Variants in PKP4 observed in about 807,000 individuals in gnomAD.
The protein encoded by PKP4 is plakophilin 4.
PKP4 carries 90 observed loss-of-function variants against 145.1 expected under a neutral mutation model. That is an observed-to-expected ratio of 0.62 (90% CI 0.52 to 0.74). The LOEUF is 0.74. Ranked by LOEUF, PKP4 falls within the 30% of genes least tolerant of loss-of-function variation. PKP4 has a pLI of 0.00. For missense variants in PKP4, 1,340 were observed against 1,482.7 expected (o/e 0.90, Z 1.58); for synonymous variants, 563 against 577.2 (o/e 0.98, Z 0.35).
chr2:158,579,592 C>A (rs1574593443), intron 3 of PKP4, among the ~76,000 whole-genome samples: 1 of 152,078 alleles, frequency 6.6e-6, no homozygotes, highest in Non-Finnish European at 1.5e-5. Context: ...AAAACAGATA[C>A]AAAGCATGCT....
chr2:158,484,477 A>G (rs1693879590), intron 1 of PKP4, among the ~76,000 whole-genome samples: 1 of 152,164 alleles, frequency 6.6e-6, no homozygotes, highest in Non-Finnish European at 1.5e-5. Context: ...AATGTGTTAG[A>G]GATGTTTATG....
chr2:158,606,638 C>T (rs1448471234), intron 4 of PKP4, among the ~76,000 whole-genome samples: 1 of 152,144 alleles, frequency 6.6e-6, no homozygotes, highest in African/African-American at 2.4e-5. Flanking sequence ...TTGTGTGTTA[C>T]ATACAGTTTT....
At chr2:158,565,875 G>C (rs3771611) in intron 2 of PKP4, among the ~76,000 whole-genome samples, 1 of 152,122 alleles carries the variant, frequency 6.6e-6, no homozygotes, top group African/African-American at 2.4e-5. Context: ...TTAGAAAGGA[G>C]TGATGATATT....
intron 1 of PKP4, among the ~76,000 whole-genome samples, chr2:158,459,271 G>A (rs1343769415): frequency 1.3e-5 from 2 of 152,164 alleles, no homozygotes; most frequent in African/African-American, 2.4e-5. Flanking sequence ...AGCATCATAT[G>A]TGTGTTTTTA....
Position 158,650,991 on chromosome 2 carries a change from C to T in PKP4, c.1910-7140C>T, listed in dbSNP as rs2055311172. Among the ~76,000 whole-genome samples, 2 of 152,184 alleles carry T rather than the reference C, an allele frequency of 1.3e-5. 1 individual carries two copies. The highest frequency in any genetic ancestry group is 4.1e-4 in the South Asian group (2 of 4,824). On this transcript the variant is annotated intron_variant, in intron 11 of 21. Transcript: ENST00000389759. ...CTGCACAGGTTTCAGGAACTCTGCT[C>T]AGATAGTGGCATCTTAGAAACTCTG...
At chr2:158,580,840 A>G (rs1279827258) in intron 3 of PKP4, among the ~76,000 whole-genome samples, 1 of 152,076 alleles carries the variant, frequency 6.6e-6, no homozygotes, top group African/African-American at 2.4e-5. Context: ...CTTCTTTACA[A>G]CCTTTCTCAA....
chr2:158,536,997 T>A (rs765585451), intron 2 of PKP4, among the ~76,000 whole-genome samples: 20 of 152,188 alleles, frequency 1.3e-4, no homozygotes, highest in Non-Finnish European at 2.6e-4. Context: ...AGGTTGCTCC[T>A]CTCCCAGCAC....
At chr2:158,529,513 G>A (rs1187856001) in intron 1 of PKP4, among the ~76,000 whole-genome samples, 1 of 152,166 alleles carries the variant, frequency 6.6e-6, no homozygotes, top group Non-Finnish European at 1.5e-5. Flanking sequence ...TCTCTTGAAT[G>A]GATACAGTGT....
intron 4 of PKP4, among the ~76,000 whole-genome samples, chr2:158,615,024 T>A (rs1010019979): frequency 1.3e-5 from 2 of 150,636 alleles, no homozygotes; most frequent in East Asian, 1.9e-4. Flanking sequence ...AAAAAAAAAA[T>A]AACTAGTGGA....
In PKP4 at chr2:158,640,577, A is replaced by T. The variant is rs370177702; in HGVS notation, c.1563-50A>T. 3.6e-5 allele frequency: 57 copies of T among 1,590,496 alleles called. No individual in the cohort carries two copies. The African/African-American group carries it at 4.5e-4, about 13-fold the overall frequency. Reference sequence around the variant, plus strand: ...TTATACCAAGTGTTTTTTTCAGTGTATTTTTACAACATGGGCCTTCCTTTC... The same window carrying T: ...TTATACCAAGTGTTTTTTTCAGTGTTTTTTTACAACATGGGCCTTCCTTTC... On this transcript the variant is annotated intron_variant, in intron 9 of 21. Coordinates refer to ENST00000389759, the MANE Select transcript of PKP4 (RefSeq NM_003628.6).
Position 158,568,568 on chromosome 2 carries a change from T to C in PKP4, c.133-8703T>C, listed in dbSNP as rs376673256. ...ACATAGCAGACCACTGAAAATTCAA[T>C]TAGAGATAGTGAATTTGGACATTAC... On this transcript the variant is annotated intron_variant, in intron 2 of 21. Coordinates refer to ENST00000389759, the MANE Select transcript of PKP4 (RefSeq NM_003628.6). Among the ~76,000 whole-genome samples the C allele has an allele frequency of 7.8e-4, 119 of 152,242 alleles. No individual in the cohort carries two copies. In the South Asian group the frequency reaches 0.012, roughly 16 times the overall value.
In PKP4 at chr2:158,573,341, G is replaced by A. The variant is rs561163478; in HGVS notation, c.133-3930G>A. Among the ~76,000 whole-genome samples, 4 of 152,236 alleles carry A rather than the reference G, an allele frequency of 2.6e-5. No homozygotes were observed. In the South Asian group the frequency reaches 8.3e-4, roughly 32 times the overall value. ...CCATTTATGGCTCTCTAAATAGGTA[G>A]TAGTAATATAAAATACTCATGTGAA... On this transcript the variant is annotated intron_variant, in intron 2 of 21. Coordinates refer to ENST00000389759, the MANE Select transcript of PKP4 (RefSeq NM_003628.6).
At chr2:158,659,774 A>G (rs1256301242) in intron 12 of PKP4, 1 of 152,366 alleles carries the variant, frequency 6.6e-6, no homozygotes, top group Non-Finnish European at 1.5e-5. Flanking sequence ...CAAAGGGCAG[A>G]GTGGTACCAG....
intron 7 of PKP4, among the ~76,000 whole-genome samples, chr2:158,626,219 G>A (rs2052771901): frequency 6.6e-6 from 1 of 152,122 alleles, no homozygotes; most frequent in Non-Finnish European, 1.5e-5. Flanking sequence ...CTTTCAGAAT[G>A]TTTCTTTGCA....
chr2:158,463,893 G>A (rs1475328870), intron 1 of PKP4, among the ~76,000 whole-genome samples: 1 of 152,154 alleles, frequency 6.6e-6, no homozygotes, highest in Non-Finnish European at 1.5e-5. Context: ...CGTGTCTTGT[G>A]CGGTAGTGGT....
At chr2:158,469,527 T>C (rs532404292) in intron 1 of PKP4, among the ~76,000 whole-genome samples, 1 of 152,354 alleles carries the variant, frequency 6.6e-6, no homozygotes, top group East Asian at 1.9e-4. Context: ...ATTGATACTT[T>C]GGTTAGTTTT....
intron 1 of PKP4, among the ~76,000 whole-genome samples, chr2:158,488,651 G>A (rs892612102): frequency 1.1e-4 from 16 of 152,110 alleles, no homozygotes; most frequent in African/African-American, 3.6e-4. Flanking sequence ...TGGAATCCAT[G>A]CCTTAGTGTA....
At chr2:158,509,847 T>C (rs1470871543) in intron 1 of PKP4, among the ~76,000 whole-genome samples, 1 of 151,100 alleles carries the variant, frequency 6.6e-6, no homozygotes, top group Non-Finnish European at 1.5e-5. Flanking sequence ...CTCGGGAGGC[T>C]GAGGGAGGAG....
In PKP4 at chr2:158,677,348, A is replaced by G. The variant is rs375362242; in HGVS notation, c.3256+481A>G. 14 of 218,624 alleles carry G rather than the reference A, an allele frequency of 6.4e-5. 1 individual carries two copies. The highest frequency in any genetic ancestry group is 3.9e-4 in the East Asian group (4 of 10,164). 13.5% of individuals were successfully genotyped at this position (218,624 alleles called of 1,614,324 possible). A position where few individuals can be genotyped will look rare whatever the true frequency, so the allele number is the denominator to read the frequency against. On this transcript the variant is annotated intron_variant, in intron 20 of 21. Coordinates refer to ENST00000389759, the MANE Select transcript of PKP4 (RefSeq NM_003628.6). Reference sequence around the variant, plus strand: ...AGAGTTTGAATAAATAGCAAAAGGTATAATGTGATTCTTCTCAACGTGATT... The same window carrying G: ...AGAGTTTGAATAAATAGCAAAAGGTGTAATGTGATTCTTCTCAACGTGATT...
Sources: gnomAD v4.1 joint callset for allele counts (sites outside exome capture counted in the v4.1 genomes callset) on GRCh38, gnomAD v4.1.1 for gene constraint, MANE v1.5 for transcripts, NCBI Gene and HGNC (gene_info 2026-07-23, HGNC 2026-07-21) for gene names.